Variants in FYCO1 observed in about 807,000 individuals in gnomAD.
FYCO1 encodes FYVE and coiled-coil domain autophagy adaptor 1.
In FYCO1, 122 loss-of-function variants were observed where a neutral mutation model predicts 165.1. The observed-to-expected ratio is 0.74, with a 90% CI of 0.64 to 0.86. The LOEUF is 0.86. Among genes scored for constraint, FYCO1 ranks in the 40% least tolerant of loss-of-function variants. FYCO1 has a pLI of 0.00. For missense variants in FYCO1, 1,702 were observed against 1,810.3 expected (o/e 0.94, Z 1.09); for synonymous variants, 648 against 742.5 (o/e 0.87, Z 2.07).
intron 1 of FYCO1, 112 bp from the exon 2 acceptor site, chr3:45,985,134 T>A: frequency 3.1e-6 from 2 of 638,046 alleles, no homozygotes; most frequent in South Asian, 3.5e-5. Context: ...GTGTATTCCC[T>A]CAACAGGAGG....
chr3:45,946,650 A>G, intron 14 of FYCO1: 3 of 1,614,154 alleles, frequency 1.9e-6, no homozygotes, highest in Non-Finnish European at 2.5e-6. Flanking sequence ...GGTCATATCC[A>G]TCTTCTACCA....
At chr3:45,979,574 TG>T in intron 4 of FYCO1, 130 bp downstream of exon 4, 1 of 1,088,992 alleles carries the variant, frequency 9.2e-7, no homozygotes, top group African/African-American at 1.5e-5. Flanking sequence ...TGCGTATACC[TG>T]GACTAGATTT....
At position 45,919,784 on chromosome 3, in the gene FYCO1, A is replaced by T. The variant is rs538299650; in HGVS notation, c.*1981T>A. On this transcript the variant is annotated 3_prime_UTR_variant, in exon 18 of 18. Transcript: ENST00000296137. Reference sequence around the variant, plus strand: ...CTAACAGTGAACAAGCTGACTTCTGATTATCATTTGCAAGTGGCTGGATGG... The same window carrying T: ...CTAACAGTGAACAAGCTGACTTCTGTTTATCATTTGCAAGTGGCTGGATGG... The T allele has an allele frequency of 6.6e-6, 1 of 152,330 alleles. No individual in the cohort carries two copies. The highest frequency in any genetic ancestry group is 1.9e-4 in the East Asian group (1 of 5,190). The allele number at this position is 152,330 out of a possible 1,614,324, so 9.4% of individuals were successfully genotyped here. A position where few individuals can be genotyped will look rare whatever the true frequency, so the allele number is the denominator to read the frequency against.
chr3:45,940,760 C>A (rs1704177784), intron 14 of FYCO1, among the ~76,000 whole-genome samples: 1 of 152,192 alleles, frequency 6.6e-6, no homozygotes, highest in Admixed American at 6.5e-5. Context: ...TCTCCCTCTG[C>A]CTTAAGCCTA....
Position 45,967,040 on chromosome 3 carries a change from CG to C in FYCO1, c.2293del (p.Arg765ValfsTer7). 1 of 1,613,496 alleles carries C rather than the reference CG, an allele frequency of 6.2e-7. No homozygotes were observed. Among genetic ancestry groups the C allele is most frequent in the South Asian group, 1.1e-5 (1 of 91,088 alleles). ...CAGGGCTAGCTGGGCAGCCAGCTCA[CG>C]GGCTTCATTGTCAGTGGGTGGGCCA... is the stretch of plus-strand genomic sequence containing the variant. ...GVGPPTDNEA[R>X]ELAAQLALSQ... is the part of the protein sequence containing the mutation. On this transcript the variant is annotated frameshift_variant, in exon 8 of 18. Coordinates refer to ENST00000296137, the MANE Select transcript of FYCO1 (RefSeq NM_024513.4). LOFTEE classifies it high-confidence loss of function.
chr3:45,973,131 A>G lies in FYCO1; in HGVS notation c.496T>C (p.Ser166Pro), dbSNP rs1009768374. The change falls in exon 6 of 18, where the codon TCG (serine) becomes CCG (proline). Residue 166 changes from serine (S) to proline (P), a missense_variant. Transcript: ENST00000296137. ...ELTEVQFDLA[S>P]RGFDLDAAWP... ...GCAGCATCCAAGTCAAAGCCCCTCG[A>G]CGCCAGGTCAAACTGAACCTCAGTC... 6.2e-7 allele frequency: 1 copy of G among 1,614,238 alleles called. No homozygotes were observed. Among genetic ancestry groups the G allele is most frequent in the Admixed American group, 1.7e-5 (1 of 60,028 alleles).
At chr3:45,954,002 A>C (rs1705174485) in intron 14 of FYCO1, among the ~76,000 whole-genome samples, 1 of 152,224 alleles carries the variant, frequency 6.6e-6, no homozygotes, top group Non-Finnish European at 1.5e-5. Flanking sequence ...CTGGAGCCTC[A>C]TGGACAAAGC....
At chr3:45,984,338 T>C (rs1707211858) in intron 2 of FYCO1, among the ~76,000 whole-genome samples, 1 of 152,184 alleles carries the variant, frequency 6.6e-6, no homozygotes, top group Admixed American at 6.5e-5. Context: ...CCTCTCTCAG[T>C]GGACAACGCT....
chr3:45,984,613 G>A (rs979012952), intron 2 of FYCO1: 38 of 616,356 alleles, frequency 6.2e-5, no homozygotes, highest in South Asian at 2.8e-4. Context: ...TCCTGGAGCC[G>A]GGTGTATGAT....
chr3:45,976,932 G>A (rs1706788870), intron 4 of FYCO1, among the ~76,000 whole-genome samples: 1 of 152,212 alleles, frequency 6.6e-6, no homozygotes, highest in Admixed American at 6.5e-5. Flanking sequence ...ACCTGGAAGT[G>A]AAGGCAGGCA....
chr3:45,940,785 C>T (rs1183605946), intron 14 of FYCO1: 1 of 152,166 alleles, frequency 6.6e-6, no homozygotes, highest in Admixed American at 6.5e-5. Flanking sequence ...TGCCCCTCGG[C>T]CAAATTCTTT....
rs746887732 is a variant in FYCO1 at position 45,967,624 on chromosome 3, C to A, written c.1710G>T (p.Lys570Asn). ...PGPELPVAGE[K>N]NEALVPVNSS... ...AGTTCACAGGGACCAGGGCCTCATT[C>A]TTCTCACCTGCCACTGGCAGTTCTG... is the stretch of plus-strand genomic sequence containing the variant. The change falls in exon 8 of 18, where the codon AAG (lysine) becomes AAT (asparagine). Residue 570 changes from lysine (K) to asparagine (N), a missense_variant. Coordinates refer to ENST00000296137, the MANE Select transcript of FYCO1 (RefSeq NM_024513.4). 6.2e-7 allele frequency: 1 copy of A among 1,614,080 alleles called. No individual in the cohort carries two copies. The highest frequency in any genetic ancestry group is 1.1e-5 in the South Asian group (1 of 91,090).
chr3:45,940,333 G>A (rs1013887125), intron 14 of FYCO1, among the ~76,000 whole-genome samples: 2 of 152,188 alleles, frequency 1.3e-5, no homozygotes, highest in Non-Finnish European at 2.9e-5. Flanking sequence ...CTGGTAATCA[G>A]CAGCTTCCTG....
chr3:45,980,308 C>CA (rs1706981175), intron 3 of FYCO1, among the ~76,000 whole-genome samples: 1 of 151,228 alleles, frequency 6.6e-6, no homozygotes, highest in African/African-American at 2.4e-5. Context: ...AAGGTTGCAC[C>CA]ACTGCACTCC....
At chr3:45,990,290 G>A (rs1269273059) in intron 1 of FYCO1, among the ~76,000 whole-genome samples, 4 of 152,194 alleles carry the variant, frequency 2.6e-5, no homozygotes, top group Non-Finnish European at 2.9e-5. Flanking sequence ...ACCAGGAGCC[G>A]GGGCTATAGC....
intron 8 of FYCO1, among the ~76,000 whole-genome samples, 159 bp downstream of exon 8, chr3:45,966,118 T>G (rs1251210673): frequency 6.6e-6 from 1 of 152,236 alleles, no homozygotes; most frequent in Non-Finnish European, 1.5e-5. Flanking sequence ...AAGATGCTAC[T>G]GGGAGCTGTG....
intron 14 of FYCO1, among the ~76,000 whole-genome samples, chr3:45,941,811 G>T (rs1357598453): frequency 1.3e-5 from 2 of 152,200 alleles, no homozygotes; most frequent in Non-Finnish European, 2.9e-5. Flanking sequence ...TTCTAACACT[G>T]CCCTATGGAC....
At chr3:45,953,742 T>C (rs1279852441) in intron 14 of FYCO1, among the ~76,000 whole-genome samples, 1 of 152,132 alleles carries the variant, frequency 6.6e-6, no homozygotes, top group Admixed American at 6.5e-5. Flanking sequence ...AAAATACCAG[T>C]GCTAGGGCAA....
chr3:45,940,692 T>C (rs1320210277), intron 14 of FYCO1, among the ~76,000 whole-genome samples: 1 of 152,180 alleles, frequency 6.6e-6, no homozygotes, highest in Non-Finnish European at 1.5e-5. Context: ...CTTCCATTTG[T>C]TCCTGCTCTA....
Sources: gnomAD v4.1 joint callset for allele counts (sites outside exome capture counted in the v4.1 genomes callset) on GRCh38, gnomAD v4.1.1 for gene constraint, MANE v1.5 for transcripts, NCBI Gene and HGNC (gene_info 2026-07-23, HGNC 2026-07-21) for gene names.